LAMC1: variants seen among roughly 807,000 people sequenced by gnomAD.
LAMC1 encodes the protein laminin subunit gamma-1.
In LAMC1, 38 loss-of-function variants were observed where a neutral mutation model predicts 173.6. The observed-to-expected ratio is 0.22, with a 90% CI of 0.17 to 0.29. The LOEUF (loss-of-function observed/expected upper bound fraction) is 0.29, where lower values mean the gene tolerates loss of function less well. Among genes scored for constraint, LAMC1 ranks in the 10% least tolerant of loss-of-function variants. The pLI is 1.00. For synonymous variants in LAMC1, 746 were observed against 749.1 expected (o/e 1.00, Z 0.07); for missense variants, 1,824 against 2,051.8 (o/e 0.89, Z 2.14).
chr1:183,108,284 A>G lies in LAMC1; in HGVS notation c.732A>G (p.Val244=), dbSNP rs1656046615. The change falls in exon 3 of 28, where the codon GTA becomes GTG. Residue 244 remains valine, a synonymous_variant. Transcript: ENST00000258341. ...FDNSPVLQEW[V]TATDIRVTLN... ...TTTTTGCTTCCTGACAGGAATGGGT[A>G]ACTGCCACTGACATCAGAGTAACTC... The G allele has an allele frequency of 3.1e-6, 5 of 1,613,180 alleles. No homozygotes were observed. The highest frequency in any genetic ancestry group is 1.7e-5 in the Admixed American group (1 of 59,980).
intron 10 of LAMC1, 148 bp from the exon 11 acceptor site, chr1:183,117,886 A>C (rs1403432238): frequency 1.3e-6 from 1 of 742,458 alleles, no homozygotes; most frequent in East Asian, 2.6e-5. Context: ...TATCTTTTCC[A>C]ATTGTACTAC....
chr1:183,037,056 G>A (rs1434851570), intron 1 of LAMC1, among the ~76,000 whole-genome samples: 1 of 152,230 alleles, frequency 6.6e-6, no homozygotes, highest in African/African-American at 2.4e-5. Context: ...GATTACAGGC[G>A]TGAGCCACCG....
rs781075791 is a variant in LAMC1, at chr1:183,131,363, G to A, written c.3551G>A (p.Arg1184Gln). 6 of 1,613,088 alleles carry A rather than the reference G, an allele frequency of 3.7e-6. No homozygotes were observed. The highest frequency in any genetic ancestry group is 2.2e-5 in the East Asian group (1 of 44,822). The change falls in exon 20 of 28, where the codon CGA becomes CAA. Residue 1184 changes from arginine (R) to glutamine (Q), a missense_variant. Transcript: ENST00000258341. ...ATGACTCTTTTGGCAGAAGAGGCTCGAAAGCTTGCTGAACGGTAACTTCTA... is the reference window on the plus strand; with the variant it reads ...ATGACTCTTTTGGCAGAAGAGGCTCAAAAGCTTGCTGAACGGTAACTTCTA... ...NNMTLLAEEA[R>Q]KLAERHKQEA...
intron 11 of LAMC1, among the ~76,000 whole-genome samples, chr1:183,121,141 G>A (rs144391657): frequency 1.1e-3 from 172 of 152,184 alleles, no homozygotes; most frequent in African/African-American, 4.0e-3. Flanking sequence ...AGTTTGGGCC[G>A]GGCATGGTGG....
Position 183,133,502 on chromosome 1 carries a change from C to G in LAMC1, c.3801C>G (p.Ile1267Met), listed in dbSNP as rs965003680. Residue 1267 changes from isoleucine to methionine, a missense_variant, in exon 22 of 28, where the codon ATC (isoleucine) becomes ATG (methionine). Coordinates refer to ENST00000258341, the MANE Select transcript of LAMC1 (RefSeq NM_002293.4). ...AKRAGDKAVE[I>M]YASVAQLSPL... ...GGGCCGGTGACAAAGCTGTGGAGATCTATGCCAGCGTGGCTCAGCTGAGCC... is the reference window on the plus strand; with the variant it reads ...GGGCCGGTGACAAAGCTGTGGAGATGTATGCCAGCGTGGCTCAGCTGAGCC... The G allele has an allele frequency of 3.1e-6, 5 of 1,613,930 alleles. No homozygotes were observed. Among genetic ancestry groups the G allele is most frequent in the Non-Finnish European group, 4.2e-6 (5 of 1,179,854 alleles).
chr1:183,113,327 G>C (rs1157442492), intron 4 of LAMC1, among the ~76,000 whole-genome samples: 2 of 152,030 alleles, frequency 1.3e-5, no homozygotes, highest in South Asian at 4.1e-4. Context: ...AAATCAAAAT[G>C]TGTTCATGAT....
intron 11 of LAMC1, 65 bp from the exon 12 acceptor site, chr1:183,121,658 C>A: frequency 2.1e-6 from 3 of 1,419,778 alleles, no homozygotes; most frequent in Non-Finnish European, 2.9e-6. Flanking sequence ...TTTAGTGTTA[C>A]TGACTTTACA....
chr1:183,081,954 C>T (rs1331782424), intron 1 of LAMC1, among the ~76,000 whole-genome samples: 1 of 152,198 alleles, frequency 6.6e-6, no homozygotes, highest in Admixed American at 6.5e-5. Flanking sequence ...TTTACTGTCT[C>T]CTTTCCCAGA....
intron 2 of LAMC1, among the ~76,000 whole-genome samples, 193 bp from the exon 3 acceptor site, chr1:183,108,083 A>G (rs1656036909): frequency 6.6e-6 from 1 of 152,210 alleles, no homozygotes; most frequent in African/African-American, 2.4e-5. Flanking sequence ...GTAACAAATT[A>G]AAGAAGGGAA....
chr1:183,072,339 C>T (rs747704382), intron 1 of LAMC1, among the ~76,000 whole-genome samples: 1 of 152,200 alleles, frequency 6.6e-6, no homozygotes, highest in Admixed American at 6.5e-5. Context: ...CTTTGAATAT[C>T]TTAAACTCCA....
intron 1 of LAMC1, among the ~76,000 whole-genome samples, chr1:183,084,188 A>G (rs1352612366): frequency 6.6e-6 from 1 of 152,098 alleles, no homozygotes; most frequent in Non-Finnish European, 1.5e-5. Context: ...AAAAAATACA[A>G]AAAATTAGCT....
chr1:183,024,860 T>G (rs1274168052), intron 1 of LAMC1, among the ~76,000 whole-genome samples: 3 of 152,226 alleles, frequency 2.0e-5, no homozygotes, highest in African/African-American at 7.2e-5. Context: ...TCAAAGCAAC[T>G]GTAGAAACAC....
chr1:183,137,686 G>C lies in LAMC1; in HGVS notation c.4332G>C (p.Lys1444Asn), dbSNP rs1276158312. 6.3e-7 allele frequency: 1 copy of C among 1,596,312 alleles called. No individual in the cohort carries two copies. Among genetic ancestry groups the C allele is most frequent in the Non-Finnish European group, 8.5e-7 (1 of 1,171,840 alleles). The change falls in exon 26 of 28, where the codon AAG (lysine) becomes AAC (asparagine). Residue 1444 changes from lysine to asparagine, a missense_variant. By Grantham distance (94) the Lys-to-Asn change is moderately conservative (BLOSUM62 0). Transcript: ENST00000258341. ...SAVQKNATST[K>N]AEAERTFAEV... ...GTGCCTAGAATGCCACCAGCACCAA[G>C]GCAGAAGCTGAAAGAACTTTTGCAG... is the stretch of plus-strand genomic sequence containing the variant.
intron 1 of LAMC1, among the ~76,000 whole-genome samples, chr1:183,082,179 T>C (rs1239912136): frequency 6.6e-6 from 1 of 152,250 alleles, no homozygotes; most frequent in African/African-American, 2.4e-5. Context: ...CAATTGTGAA[T>C]AAAATTTCTA....
intron 1 of LAMC1, among the ~76,000 whole-genome samples, chr1:183,031,625 T>G (rs546856012): frequency 6.4e-4 from 98 of 152,330 alleles, no homozygotes; most frequent in African/African-American, 2.2e-3. Context: ...CTTGTTCATT[T>G]TTCCTACTGG....
intron 3 of LAMC1, among the ~76,000 whole-genome samples, chr1:183,108,924 T>C (rs1279422105): frequency 6.6e-6 from 1 of 152,222 alleles, no homozygotes; most frequent in Non-Finnish European, 1.5e-5. Flanking sequence ...GCATCTAAGC[T>C]GGGTCTTGAA....
chr1:183,116,354 G>A (rs565491232), intron 6 of LAMC1, among the ~76,000 whole-genome samples: 7 of 152,014 alleles, frequency 4.6e-5, no homozygotes, highest in East Asian at 3.9e-4. Context: ...GCGTGCGCCT[G>A]TAGTCCCAGC....
Position 183,118,081 on chromosome 1 carries a change from T to C in LAMC1, c.1925T>C (p.Phe642Ser), listed in dbSNP as rs754155306. ...DYPWRPALTP[F>S]EFQKLLNNLT... ...CCTTGGAGGCCTGCTCTTACCCCTT[T>C]TGAATTTCAGAAGCTCCTAAACAAC... Residue 642 changes from phenylalanine (F) to serine (S), a missense_variant, in exon 11 of 28, where the codon TTT becomes TCT. Transcript: ENST00000258341. 3 of 1,613,690 alleles carry C rather than the reference T, an allele frequency of 1.9e-6. No individual in the cohort carries two copies. The highest frequency in any genetic ancestry group is 2.5e-6 in the Non-Finnish European group (3 of 1,179,752).
intron 1 of LAMC1, among the ~76,000 whole-genome samples, chr1:183,092,995 T>TG (rs952225956): frequency 6.6e-6 from 1 of 152,116 alleles, no homozygotes; most frequent in African/African-American, 2.4e-5. Context: ...AATTACTTAG[T>TG]GGGCTGGGTG....
Sources: gnomAD v4.1 joint callset for allele counts (sites outside exome capture counted in the v4.1 genomes callset) on GRCh38, gnomAD v4.1.1 for gene constraint, MANE v1.5 for transcripts, NCBI Gene and HGNC (gene_info 2026-07-23, HGNC 2026-07-21) for gene names.